PHACTR3: variants seen among roughly 807,000 people sequenced by gnomAD.
PHACTR3 encodes phosphatase and actin regulator 3, also known as protein phosphatase 1, regulatory subunit 123.
Under a neutral mutation model 66.8 loss-of-function variants are expected in PHACTR3, and 16 were observed. The ratio of observed to expected loss-of-function variants is 0.24; its 90% CI spans 0.16 to 0.36. PHACTR3 has a LOEUF of 0.36. Ranked by LOEUF, PHACTR3 falls within the 10% of genes least tolerant of loss-of-function variation. PHACTR3 has a pLI of 1.00. For missense variants in PHACTR3, 647 were observed against 719.9 expected (o/e 0.90, Z 1.16); for synonymous variants, 323 against 292.1 (o/e 1.11, Z -1.08).
chr20:59,617,580 C>T (rs1382203336), intron 1 of PHACTR3, among the ~76,000 whole-genome samples: 1 of 151,864 alleles, frequency 6.6e-6, no homozygotes, highest in Non-Finnish European at 1.5e-5. Flanking sequence ...CTGATGTTTG[C>T]ATCTTGCCTG....
intron 4 of PHACTR3, among the ~76,000 whole-genome samples, chr20:59,759,977 C>T (rs1173631422): frequency 2.0e-5 from 3 of 152,084 alleles, no homozygotes; most frequent in Non-Finnish European, 4.4e-5. Flanking sequence ...CTGCAGGAGC[C>T]CCTGGGGTGT....
At chr20:59,729,996 C>T (rs959912515) in intron 1 of PHACTR3, among the ~76,000 whole-genome samples, 1 of 152,260 alleles carries the variant, frequency 6.6e-6, no homozygotes, top group Admixed American at 6.5e-5. Context: ...CTGGTATGCA[C>T]AGGTAGGGAC....
At chr20:59,632,449 C>T (rs1447189909) in intron 1 of PHACTR3, among the ~76,000 whole-genome samples, 1 of 152,210 alleles carries the variant, frequency 6.6e-6, no homozygotes, top group Non-Finnish European at 1.5e-5. Flanking sequence ...TTTCCCTCCA[C>T]AAGAAGTCAC....
chr20:59,671,479 A>T (rs1477569067), intron 1 of PHACTR3, among the ~76,000 whole-genome samples: 2 of 152,206 alleles, frequency 1.3e-5, no homozygotes, highest in African/African-American at 4.8e-5. Flanking sequence ...TGAGGTCAAA[A>T]ACAGGTGGCC....
At chr20:59,746,233 G>A (rs1210903810) in intron 2 of PHACTR3, among the ~76,000 whole-genome samples, 1 of 152,332 alleles carries the variant, frequency 6.6e-6, no homozygotes, top group African/African-American at 2.4e-5. Flanking sequence ...CCTCAGGGAA[G>A]CCACCCGGGA....
chr20:59,599,575 C>T (rs1164696149), upstream of PHACTR3, among the ~76,000 whole-genome samples: 2 of 152,136 alleles, frequency 1.3e-5, no homozygotes, highest in East Asian at 3.9e-4. Flanking sequence ...CTGCCTCCTC[C>T]CTCCCTGATC....
chr20:59,809,526 T>A (rs964411031), intron 8 of PHACTR3, among the ~76,000 whole-genome samples: 1 of 152,236 alleles, frequency 6.6e-6, no homozygotes, highest in Non-Finnish European at 1.5e-5. Context: ...CTTAATGATT[T>A]TTAGGAGTTT....
intron 1 of PHACTR3, among the ~76,000 whole-genome samples, chr20:59,687,855 T>G (rs1380271471): frequency 6.6e-6 from 1 of 152,214 alleles, no homozygotes; most frequent in African/African-American, 2.4e-5. Context: ...TCACATCACA[T>G]GGGGCTTTGA....
At chr20:59,656,609 T>C (rs1601020402) in intron 1 of PHACTR3, among the ~76,000 whole-genome samples, 1 of 152,078 alleles carries the variant, frequency 6.6e-6, no homozygotes, top group East Asian at 1.9e-4. Context: ...TTTACTTTTG[T>C]TGGATTGTCT....
intron 1 of PHACTR3, among the ~76,000 whole-genome samples, chr20:59,578,169 G>A (rs1310107677): frequency 6.6e-6 from 1 of 152,248 alleles, no homozygotes; most frequent in African/African-American, 2.4e-5. Flanking sequence ...GCAGTTCAAG[G>A]GATGGGATCT....
chr20:59,707,584 A>G (rs1171418357), intron 1 of PHACTR3, among the ~76,000 whole-genome samples: 1 of 149,418 alleles, frequency 6.7e-6, no homozygotes, highest in East Asian at 2.0e-4. Context: ...CTCCTGCTTC[A>G]GCCTCCCGAG....
intron 8 of PHACTR3, among the ~76,000 whole-genome samples, chr20:59,824,874 G>A (rs1268966238): frequency 6.6e-6 from 1 of 152,272 alleles, no homozygotes; most frequent in Admixed American, 6.5e-5. Context: ...GCACAGTGAC[G>A]TGCTGTTTGG....
chr20:59,796,658 CT>C (rs1160284027), intron 7 of PHACTR3, among the ~76,000 whole-genome samples: 1 of 152,142 alleles, frequency 6.6e-6, no homozygotes, highest in Non-Finnish European at 1.5e-5. Context: ...TTTTTTCCCC[CT>C]CTCTTATCAT....
At position 59,657,517 on chromosome 20, in the gene PHACTR3, C is replaced by T. The variant is rs2035660702; in HGVS notation, c.118+52385C>T. On this transcript the variant is annotated intron_variant, in intron 1 of 12. Coordinates refer to ENST00000371015, the MANE Select transcript of PHACTR3 (RefSeq NM_080672.5). Reference sequence around the variant, plus strand: ...CAATACATTATCCTATTTTATTTATCTATGAATGTCTTGAATTCACTTTCA... The same window carrying T: ...CAATACATTATCCTATTTTATTTATTTATGAATGTCTTGAATTCACTTTCA... Among the ~76,000 whole-genome samples the T allele has an allele frequency of 3.3e-5, 5 of 152,038 alleles. No homozygotes were observed. The South Asian group carries it at 1.0e-3, about 31-fold the overall frequency.
chr20:59,717,202 T>A (rs1186248648), intron 1 of PHACTR3, among the ~76,000 whole-genome samples: 1 of 152,086 alleles, frequency 6.6e-6, no homozygotes, highest in Non-Finnish European at 1.5e-5. Flanking sequence ...CCTTGAGTGT[T>A]TATTTAGTGT....
At chr20:59,833,818 T>C (rs991054581) in intron 8 of PHACTR3, among the ~76,000 whole-genome samples, 1 of 152,018 alleles carries the variant, frequency 6.6e-6, no homozygotes, top group African/African-American at 2.4e-5. Flanking sequence ...TGAAGATCCG[T>C]TGCAAGGGTG....
chr20:59,589,129 G>C (rs1252208455), intron 1 of PHACTR3, among the ~76,000 whole-genome samples: 1 of 152,212 alleles, frequency 6.6e-6, no homozygotes, highest in Non-Finnish European at 1.5e-5. Flanking sequence ...TGAAGTACCA[G>C]GGTAATCTTT....
At chr20:59,783,431 C>T (rs866307124) in intron 7 of PHACTR3, among the ~76,000 whole-genome samples, 28 of 149,914 alleles carry the variant, frequency 1.9e-4, no homozygotes, top group Middle Eastern at 3.4e-3. Context: ...CCCCCCGCCC[C>T]GCCCCACCCC....
intron 8 of PHACTR3, among the ~76,000 whole-genome samples, chr20:59,819,246 G>A (rs2041965805): frequency 1.3e-5 from 2 of 152,124 alleles, no homozygotes; most frequent in African/African-American, 4.8e-5. Context: ...GGTGCCCACA[G>A]GCAGATAAGA....
Sources: allele counts gnomAD v4.1 joint callset (sites outside exome capture counted in the v4.1 genomes callset), GRCh38; gene constraint gnomAD v4.1.1; transcripts MANE v1.5; gene names NCBI Gene and HGNC (gene_info 2026-07-23, HGNC 2026-07-21).